Variants in IGF1R observed in about 807,000 individuals in gnomAD.
IGF1R encodes the protein insulin like growth factor 1 receptor, also known as insulin-like growth factor 1 receptor.
Under a neutral mutation model 144.6 loss-of-function variants are expected in IGF1R, and 44 were observed. The observed-to-expected ratio is 0.30, with a 90% CI of 0.24 to 0.39. IGF1R has a LOEUF of 0.39. Ranked by LOEUF, IGF1R falls within the 10% of genes least tolerant of loss-of-function variation. The probability of loss-of-function intolerance (pLI) is 1.00; values close to 1 mark genes in which losing one functional copy is unlikely to be tolerated. For synonymous variants in IGF1R, 795 were observed against 722.8 expected, an observed-to-expected ratio of 1.10 and a Z score of -1.60; for missense variants, 1,355 against 1,833.7, an observed-to-expected ratio of 0.74 and a Z score of 4.77.
At chr15:98,820,401 G>A (rs149646158) in intron 2 of IGF1R, among the ~76,000 whole-genome samples, 10 of 152,232 alleles carry the variant, frequency 6.6e-5, no homozygotes, top group African/African-American at 1.9e-4. Flanking sequence ...TCTAAAGGAC[G>A]TTTTACATTG....
chr15:98,710,903 C>CA lies in IGF1R; in HGVS notation c.640+2797dup, dbSNP rs1420886891. On this transcript the variant is annotated intron_variant, in intron 2 of 20. Transcript: ENST00000650285. Reference sequence around the variant, plus strand: ...CAGGCTGGTCTCAAACTCCTGACCTCAGATGATCCGCCCGCCTCAGCCTCC... The same window carrying CA: ...CAGGCTGGTCTCAAACTCCTGACCTCAAGATGATCCGCCCGCCTCAGCCTCC... 2.6e-5 allele frequency among the ~76,000 whole-genome samples: 4 copies of CA among 152,236 alleles called. No homozygotes were observed. In the East Asian group the frequency reaches 7.7e-4, roughly 29 times the overall value.
intron 2 of IGF1R, among the ~76,000 whole-genome samples, chr15:98,749,167 CT>C (rs10609630): frequency 0.35 from 51,910 of 148,904 alleles, 9,138 homozygotes; most frequent in African/African-American, 0.4. Context: ...TTAATAAATC[CT>C]TTTTTTTTTT....
At chr15:98,828,759 T>C (rs1292224993) in intron 2 of IGF1R, among the ~76,000 whole-genome samples, 2 of 150,938 alleles carry the variant, frequency 1.3e-5, no homozygotes, top group African/African-American at 2.4e-5. Context: ...TATCCTAATA[T>C]ATTTGCTGAG....
chr15:98,735,634 T>C (rs1350142705), intron 2 of IGF1R, among the ~76,000 whole-genome samples: 2 of 152,032 alleles, frequency 1.3e-5, no homozygotes, highest in Non-Finnish European at 2.9e-5. Flanking sequence ...TAGGAGAAAA[T>C]GTGGATATTC....
At chr15:98,909,261 C>CTTTT (rs752298130) in intron 6 of IGF1R, among the ~76,000 whole-genome samples, 4 of 91,756 alleles carry the variant, frequency 4.4e-5, no homozygotes, top group African/African-American at 1.0e-4. Context: ...CTTTTTTTTT[C>CTTTT]TTTTTTTTTT....
intron 2 of IGF1R, among the ~76,000 whole-genome samples, chr15:98,848,050 G>T (rs2011402397): frequency 6.6e-6 from 1 of 152,142 alleles, no homozygotes; most frequent in African/African-American, 2.4e-5. Flanking sequence ...AAAAGTTGAA[G>T]TGGACCCTAG....
chr15:98,914,946 C>G (rs1039022838), intron 8 of IGF1R, among the ~76,000 whole-genome samples: 1 of 152,200 alleles, frequency 6.6e-6, no homozygotes, highest in African/African-American at 2.4e-5. Context: ...CAGTATTAGT[C>G]ATAACCTTTT....
At chr15:98,768,090 A>G (rs1369735915) in intron 2 of IGF1R, among the ~76,000 whole-genome samples, 3 of 152,190 alleles carry the variant, frequency 2.0e-5, no homozygotes, top group African/African-American at 7.2e-5. Flanking sequence ...AACTTGCTAG[A>G]GGAAACGGTA....
chr15:98,902,786 C>CT (rs1220861291), intron 5 of IGF1R, among the ~76,000 whole-genome samples: 2 of 152,170 alleles, frequency 1.3e-5, no homozygotes, highest in African/African-American at 4.8e-5. Flanking sequence ...AAGTTCTGTT[C>CT]TGTAGCCTTT....
rs1303890003 is a variant in IGF1R at position 98,669,307 on chromosome 15, G to C, written c.94+19632G>C. Among the ~76,000 whole-genome samples the C allele has an allele frequency of 2.0e-5, 3 of 152,180 alleles. No homozygotes were observed. In the South Asian group the frequency reaches 6.2e-4, roughly 32 times the overall value. On this transcript the variant is annotated intron_variant, in intron 1 of 20. Transcript: ENST00000650285. ...CTGCCTGAAGACAGTGTGCTTAAAT[G>C]AAGGGTATACAAACCCATGTGAGGT... is the stretch of plus-strand genomic sequence containing the variant.
In IGF1R at chr15:98,702,043, T is replaced by TG. The variant is rs1555433488; in HGVS notation, c.95-5519_95-5518insG. On this transcript the variant is annotated intron_variant, in intron 1 of 20. Transcript: ENST00000650285. ...CATGGGAGTCACGCTGTTTTTTTTT[T>TG]TTTTTTTTTTTCCTAGGACCTCAAG... 1.8e-4 allele frequency among the ~76,000 whole-genome samples: 27 copies of TG among 149,220 alleles called. No homozygotes were observed. The South Asian group carries it at 5.1e-3, about 28-fold the overall frequency.
intron 2 of IGF1R, among the ~76,000 whole-genome samples, chr15:98,738,942 C>CT (rs1450317980): frequency 6.6e-6 from 1 of 151,438 alleles, no homozygotes; most frequent in Non-Finnish European, 1.5e-5. Context: ...CCTCCAAACT[C>CT]TAAGATGTAT....
intron 2 of IGF1R, among the ~76,000 whole-genome samples, chr15:98,816,549 T>C (rs2056700019): frequency 6.6e-6 from 1 of 152,218 alleles, no homozygotes; most frequent in Non-Finnish European, 1.5e-5. Flanking sequence ...AGTTGGGCTC[T>C]TGAGAAGTTG....
chr15:98,719,275 CTT>C (rs1008961060), intron 2 of IGF1R, among the ~76,000 whole-genome samples: 2 of 152,150 alleles, frequency 1.3e-5, no homozygotes, highest in Non-Finnish European at 1.5e-5. Flanking sequence ...GGTTCTAACT[CTT>C]TATCACTTCA....
chr15:98,884,815 C>G (rs540494872), intron 2 of IGF1R, among the ~76,000 whole-genome samples: 1 of 152,116 alleles, frequency 6.6e-6, no homozygotes, highest in East Asian at 1.9e-4. Flanking sequence ...GAATGCACAT[C>G]TGATCATGTG....
At chr15:98,949,100 G>A (rs1006423364) in intron 20 of IGF1R, among the ~76,000 whole-genome samples, 7 of 152,062 alleles carry the variant, frequency 4.6e-5, no homozygotes, top group South Asian at 4.1e-4. Context: ...CAAGAGCCCC[G>A]CGCCCCACCT....
chr15:98,891,644 C>A lies in IGF1R; in HGVS notation c.953+7C>A. On this transcript the variant is annotated splice_region_variant and intron_variant, in intron 3 of 20. Coordinates refer to ENST00000650285, the MANE Select transcript of IGF1R (RefSeq NM_000875.5). The surrounding 1 kb of genome is among the most constrained non-coding windows in gnomAD (Gnocchi z 4.7). ...TCCGCAACGGCAGCCAGAGGTCAGTCGCGGCCACACGTGTGGTCACTACCC... is the reference window on the plus strand; with the variant it reads ...TCCGCAACGGCAGCCAGAGGTCAGTAGCGGCCACACGTGTGGTCACTACCC... 1 of 1,599,312 alleles carries A rather than the reference C, an allele frequency of 6.3e-7. No individual in the cohort carries two copies. The highest frequency in any genetic ancestry group is 8.5e-7 in the Non-Finnish European group (1 of 1,179,712).
At chr15:98,816,099 A>C (rs1259200235) in intron 2 of IGF1R, among the ~76,000 whole-genome samples, 2 of 152,004 alleles carry the variant, frequency 1.3e-5, no homozygotes, top group African/African-American at 4.8e-5. Context: ...CTACTTTCCC[A>C]GTCTTGCCTC....
intron 2 of IGF1R, among the ~76,000 whole-genome samples, chr15:98,753,619 A>G (rs1739841171): frequency 6.6e-6 from 1 of 151,962 alleles, no homozygotes; most frequent in South Asian, 2.1e-4. Flanking sequence ...TATAAAGTTA[A>G]TTGGATTTTA....
Sources: gnomAD v4.1 joint callset for allele counts (sites outside exome capture counted in the v4.1 genomes callset) on GRCh38, gnomAD v4.1.1 for gene constraint, Gnocchi (gnomAD v3.1) non-coding constraint, MANE v1.5 for transcripts, NCBI Gene and HGNC (gene_info 2026-07-23, HGNC 2026-07-21) for gene names.